The following CEP152 variants were observed in gnomAD, a reference collection of about 807,000 sequenced individuals.
CEP152 encodes the protein centrosomal protein of 152 kDa.
CEP152 carries 132 observed loss-of-function variants against 188.9 expected under a neutral mutation model. That is an observed-to-expected ratio of 0.70 (90% CI 0.61 to 0.81). The LOEUF is 0.81. Ranked by LOEUF, CEP152 falls within the 30% of genes least tolerant of loss-of-function variation. The pLI is 0.00. For missense variants in CEP152, 1,914 were observed against 1,969.8 expected (o/e 0.97, Z 0.54); for synonymous variants, 649 against 666.6 (o/e 0.97, Z 0.41).
chr15:48,745,603 T>A (rs1219671906), intron 22 of CEP152, among the ~76,000 whole-genome samples: 2 of 151,974 alleles, frequency 1.3e-5, no homozygotes, highest in East Asian at 3.9e-4. Context: ...AGAGCAATGT[T>A]TTGGGGGCAG....
At chr15:48,797,637 G>A (rs1278366242) in intron 4 of CEP152, 24 bp downstream of exon 4, 1 of 1,613,876 alleles carries the variant, frequency 6.2e-7, no homozygotes, top group African/African-American at 1.3e-5. Context: ...CCTCACCAAA[G>A]TCATCATCAC....
chr15:48,797,878 T>TTATAAAGACTTATAGAATTTA (rs1897410499), intron 3 of CEP152, 70 bp downstream of exon 3: 2 of 1,485,346 alleles, frequency 1.3e-6, no homozygotes, highest in Non-Finnish European at 1.9e-6. Context: ...CATGTAATTA[T>TTATAAAGACTTATAGAATTTA]TAATCTTCAT....
Position 48,762,379 on chromosome 15 carries a change from T to C in CEP152, c.2562+12A>G. 1 of 1,611,696 alleles carries C rather than the reference T, an allele frequency of 6.2e-7. No homozygotes were observed. The highest frequency in any genetic ancestry group is 8.5e-7 in the Non-Finnish European group (1 of 1,177,860). The stretch of plus-strand genomic sequence containing the variant: ...GTTCCAATAAATTTACTAGAATAAA[T>C]CTGCCTTTTACCTGTTTGGTAATAT... On this transcript the variant is annotated intron_variant, in intron 18 of 26. Transcript: ENST00000380950.
chr15:48,738,698 C>T lies in CEP152; in HGVS notation c.4684G>A (p.Val1562Ile), dbSNP rs537556482. 5.1e-5 allele frequency: 82 copies of T among 1,614,222 alleles called. 1 individual carries two copies. In the South Asian group the frequency reaches 8.3e-4, roughly 16 times the overall value. Residue 1562 changes from valine to isoleucine, a missense_variant, in exon 27 of 27, where the codon GTA (valine) becomes ATA (isoleucine). Physicochemically the swap from Val to Ile is conservative, Grantham distance 29. Coordinates refer to ENST00000380950, the MANE Select transcript of CEP152 (RefSeq NM_001194998.2). The part of the protein sequence containing the change: ...SQGLDVQEPP[V>I]KDGGDLSDCL... ...TCACTAAGGTCCCCTCCATCTTTTA[C>T]TGGAGGTTCCTGAACATCCAAACCT...
rs1893297943 is a variant in CEP152 at position 48,744,975 on chromosome 15, C to T, written c.3652G>A (p.Val1218Ile). ...EKIGEENNKV[V>I]EELIEENNDM... ...TTGTTTTCTTCTATTAATTCTTCAA[C>T]AACTTTATTATTCTCTTCTATAACA... The change falls in exon 23 of 27, where the codon GTT becomes ATT. Residue 1218 changes from valine (V) to isoleucine (I), a missense_variant. Coordinates refer to ENST00000380950, the MANE Select transcript of CEP152 (RefSeq NM_001194998.2). The T allele has an allele frequency of 6.2e-7, 1 of 1,604,624 alleles. No individual in the cohort carries two copies. The highest frequency in any genetic ancestry group is 8.5e-7 in the Non-Finnish European group (1 of 1,175,602).
chr15:48,783,941 CTG>C, intron 10 of CEP152, 30 bp downstream of exon 10: 1 of 1,613,266 alleles, frequency 6.2e-7, no homozygotes, highest in Non-Finnish European at 8.5e-7. Flanking sequence ...AACCAACCTT[CTG>C]GGGAGACAGT....
In CEP152 at chr15:48,767,447, G is replaced by A. The variant is rs1895209546; in HGVS notation, c.2035C>T (p.Gln679Ter). 6.2e-7 allele frequency: 1 copy of A among 1,614,100 alleles called. No homozygotes were observed. The highest frequency in any genetic ancestry group is 8.5e-7 in the Non-Finnish European group (1 of 1,179,982). The change falls in exon 16 of 27, where the codon CAG (glutamine) becomes TAG (stop). Residue 679 changes from glutamine (Q) to a stop codon, truncating the protein, a stop_gained. Coordinates refer to ENST00000380950, the MANE Select transcript of CEP152 (RefSeq NM_001194998.2). LOFTEE classifies it high-confidence loss of function. ...GTTTTCATGGCTTCATGGTGCTGCT[G>A]ATAAGTCCTTTCACACCTGGAAACA... ...EAVDRCERTY[Q>*]QHHEAMKTQI...
intron 20 of CEP152, among the ~76,000 whole-genome samples, chr15:48,753,776 ATTTGT>A (rs570801216): frequency 1.3e-5 from 2 of 152,100 alleles, no homozygotes; most frequent in East Asian, 1.9e-4. Context: ...TCCATTTGAT[ATTTGT>A]TTTATCTGTT....
chr15:48,741,056 G>T (rs1458772337), intron 26 of CEP152: 2 of 987,868 alleles, frequency 2.0e-6, no homozygotes, highest in African/African-American at 3.6e-5. Context: ...TTGAACTGAG[G>T]TTTCCATCTT....
chr15:48,787,141 T>C (rs984793107), intron 9 of CEP152, among the ~76,000 whole-genome samples: 6 of 151,348 alleles, frequency 4.0e-5, no homozygotes, highest in Non-Finnish European at 7.4e-5. Context: ...AGTAGACTTT[T>C]CAATAATTTG....
intron 9 of CEP152, among the ~76,000 whole-genome samples, chr15:48,784,836 A>G (rs965381018): frequency 3.9e-5 from 6 of 152,238 alleles, no homozygotes; most frequent in Non-Finnish European, 8.8e-5. Context: ...TACATAAAAT[A>G]TAGAGTGTGT....
chr15:48,770,878 C>T (rs1033355896), intron 13 of CEP152, among the ~76,000 whole-genome samples: 1 of 152,122 alleles, frequency 6.6e-6, no homozygotes, highest in East Asian at 1.9e-4. Context: ...AAATTAACCA[C>T]AATCAAAATT....
At chr15:48,763,940 A>C (rs1040870308) in intron 17 of CEP152, among the ~76,000 whole-genome samples, 2 of 152,184 alleles carry the variant, frequency 1.3e-5, no homozygotes, top group East Asian at 3.8e-4. Context: ...ACAATATGAA[A>C]TCAGATCATG....
downstream of CEP152, among the ~76,000 whole-genome samples, chr15:48,735,219 C>T (rs1892554801): frequency 6.6e-6 from 1 of 152,134 alleles, no homozygotes; most frequent in Admixed American, 6.5e-5. Flanking sequence ...TGAAAATCTG[C>T]AATTCTTAGA....
intron 11 of CEP152, 46 bp from the exon 12 acceptor site, chr15:48,781,405 T>A: frequency 6.7e-7 from 1 of 1,484,350 alleles, no homozygotes; most frequent in Non-Finnish European, 9.3e-7. Context: ...TTTTCCTATA[T>A]GAAGTAATCA....
chr15:48,788,764 T>C, intron 9 of CEP152, 37 bp downstream of exon 9: 1 of 1,563,360 alleles, frequency 6.4e-7, no homozygotes, highest in Non-Finnish European at 8.8e-7. Flanking sequence ...CCAGCTTTAC[T>C]TGTTGATAAC....
intron 8 of CEP152, among the ~76,000 whole-genome samples, chr15:48,789,769 TC>T (rs1896892067): frequency 6.6e-6 from 1 of 152,158 alleles, no homozygotes; most frequent in Non-Finnish European, 1.5e-5. Flanking sequence ...ACAGGTGGCC[TC>T]TAGAAGTTGG....
downstream of CEP152, among the ~76,000 whole-genome samples, chr15:48,735,281 G>C (rs1304037196): frequency 3.9e-5 from 6 of 152,160 alleles, no homozygotes; most frequent in African/African-American, 1.2e-4. Flanking sequence ...AAAATCGCAA[G>C]GGAAGTTTGA....
chr15:48,755,758 C>A (rs910097858), intron 20 of CEP152, 145 bp downstream of exon 20: 2 of 1,483,914 alleles, frequency 1.3e-6, no homozygotes, highest in Admixed American at 2.4e-5. Context: ...CTTTGGATTT[C>A]GCTACAGAAA....
Sources: gnomAD v4.1 joint callset for allele counts (sites outside exome capture counted in the v4.1 genomes callset) on GRCh38, gnomAD v4.1.1 for gene constraint, MANE v1.5 for transcripts, NCBI Gene and HGNC (gene_info 2026-07-23, HGNC 2026-07-21) for gene names.